The following ZFHX3 variants were observed in gnomAD, a reference collection of about 807,000 sequenced individuals.
The protein encoded by ZFHX3 is zinc finger homeobox protein 3.
A neutral mutation model predicts 279.1 loss-of-function variants in ZFHX3; 42 were observed. The observed-to-expected ratio is 0.15, with a 90% confidence interval of 0.12 to 0.19. The LOEUF (loss-of-function observed/expected upper bound fraction) is 0.19. Ranked by LOEUF, ZFHX3 falls within the 10% of genes least tolerant of loss-of-function variation. The probability of loss-of-function intolerance (pLI) is 1.00; values close to 1 mark genes in which losing one functional copy is unlikely to be tolerated. For synonymous variants in ZFHX3, 2,293 were observed against 1,957.8 expected, an observed-to-expected ratio of 1.17 and a Z score of -4.52; for missense variants, 4,981 against 4,754.0, an observed-to-expected ratio of 1.05 and a Z score of -1.40.
chr16:72,869,283 C>G (rs1455057127), intron 4 of ZFHX3, among the ~76,000 whole-genome samples: 1 of 152,228 alleles, frequency 6.6e-6, no homozygotes, highest in Non-Finnish European at 1.5e-5. Flanking sequence ...TGCACAGTTA[C>G]CAGCCCCTCT....
chr16:73,424,870 C>CA (rs1384830943), intron 3 of ZFHX3, among the ~76,000 whole-genome samples: 1 of 150,926 alleles, frequency 6.6e-6, no homozygotes, highest in African/African-American at 2.4e-5. Context: ...TTGTTTAAAG[C>CA]AAAAGAGTTC....
chr16:73,477,761 G>A (rs1567495712), intron 2 of ZFHX3, among the ~76,000 whole-genome samples: 1 of 152,174 alleles, frequency 6.6e-6, no homozygotes, highest in South Asian at 2.1e-4. Flanking sequence ...TGAGAATGGG[G>A]TGTCAGTTAC....
At chr16:73,811,373 C>T (rs570654644) in intron 1 of ZFHX3, among the ~76,000 whole-genome samples, 14 of 151,806 alleles carry the variant, frequency 9.2e-5, no homozygotes, top group Middle Eastern at 3.4e-3. Flanking sequence ...CAGGGCACAT[C>T]AGTGCCATAG....
intron 3 of ZFHX3, among the ~76,000 whole-genome samples, chr16:73,346,751 C>T (rs1487317427): frequency 2.6e-5 from 4 of 152,132 alleles, no homozygotes; most frequent in African/African-American, 7.2e-5. Flanking sequence ...GGATTACAGG[C>T]GTGAGCCACT....
chr16:73,531,857 G>C (rs915722431), intron 2 of ZFHX3, among the ~76,000 whole-genome samples: 1 of 152,072 alleles, frequency 6.6e-6, no homozygotes, highest in African/African-American at 2.4e-5. Flanking sequence ...TGGAGGCTGA[G>C]GCAGGAAGAT....
At chr16:73,054,442 A>ATT (rs34141418) in intron 1 of ZFHX3, among the ~76,000 whole-genome samples, 1,845 of 91,814 alleles carry the variant, frequency 0.02, 33 homozygotes, top group Non-Finnish European at 0.034. Flanking sequence ...AACCAGGAGG[A>ATT]TTTTTTTTTT....
intron 1 of ZFHX3, among the ~76,000 whole-genome samples, chr16:73,682,928 A>G (rs12927359): frequency 0.037 from 818 of 21,892 alleles, 67 homozygotes; most frequent in East Asian, 0.086. Context: ...GAGAAAGAGA[A>G]AGAAAGAAAG....
chr16:73,296,282 A>G (rs2143115604), intron 4 of ZFHX3, among the ~76,000 whole-genome samples: 1 of 152,334 alleles, frequency 6.6e-6, no homozygotes, highest in East Asian at 1.9e-4. Flanking sequence ...AAGACCTTGT[A>G]TGATAATGGG....
chr16:73,053,371 C>A (rs1374386170), intron 1 of ZFHX3, among the ~76,000 whole-genome samples: 1 of 152,064 alleles, frequency 6.6e-6, no homozygotes, highest in African/African-American at 2.4e-5. Flanking sequence ...GCTGCGGGGG[C>A]AAGGCCTTGA....
chr16:73,477,122 T>G (rs1201467523), intron 2 of ZFHX3, among the ~76,000 whole-genome samples: 1 of 152,226 alleles, frequency 6.6e-6, no homozygotes, highest in Non-Finnish European at 1.5e-5. Flanking sequence ...TGAAAAATCA[T>G]GCTTTGTAGA....
At chr16:72,930,833 A>G (rs868697383) in intron 3 of ZFHX3, among the ~76,000 whole-genome samples, 2 of 152,232 alleles carry the variant, frequency 1.3e-5, no homozygotes, top group African/African-American at 2.4e-5. Context: ...AGACTTGTAT[A>G]TGACAGTCAT....
rs550866308 is a variant in ZFHX3, at chr16:73,307,472, G to A, written c.-1194+10768C>T. ...AGAACTCTCTTGTTTCTCTGAAACG[G>A]GAAAAACTGCTTCTTTCTGCAAAAA... On this transcript the variant is annotated intron_variant, in intron 4 of 17. Coordinates refer to the ZFHX3 transcript ENST00000641206. 7.0e-4 allele frequency among the ~76,000 whole-genome samples: 106 copies of A among 152,294 alleles called. 1 individual carries two copies. Among genetic ancestry groups the A allele is most frequent in the African/African-American group, 2.3e-3 (94 of 41,556 alleles).
intron 2 of ZFHX3, among the ~76,000 whole-genome samples, chr16:73,562,391 C>G (rs554093799): frequency 6.6e-6 from 1 of 152,086 alleles, no homozygotes; most frequent in Admixed American, 6.5e-5. Flanking sequence ...GTCAGGAGAT[C>G]GAGACCATCC....
At chr16:73,295,614 G>T (rs1045520505) in intron 4 of ZFHX3, among the ~76,000 whole-genome samples, 12 of 152,198 alleles carry the variant, frequency 7.9e-5, no homozygotes, top group Admixed American at 4.6e-4. Flanking sequence ...CGTTTACGAT[G>T]TCAGCAAGTC....
intron 6 of ZFHX3, chr16:73,137,635 T>C (rs1016790916): frequency 6.6e-6 from 1 of 152,074 alleles, no homozygotes; most frequent in Admixed American, 6.6e-5. Context: ...CCGGGTATAT[T>C]AGGCAGCTTT....
chr16:73,619,390 A>G (rs1167505681), intron 2 of ZFHX3, among the ~76,000 whole-genome samples: 4 of 151,736 alleles, frequency 2.6e-5, no homozygotes, highest in Non-Finnish European at 1.5e-5. Flanking sequence ...CGGGAGGCTG[A>G]GGCAGGAGAA....
chr16:73,717,306 AAAC>A (rs1420038622), intron 1 of ZFHX3, among the ~76,000 whole-genome samples: 3 of 152,178 alleles, frequency 2.0e-5, no homozygotes, highest in African/African-American at 7.2e-5. Flanking sequence ...ATCTGCCCTG[AAAC>A]TCTTTTCTCC....
intron 3 of ZFHX3, among the ~76,000 whole-genome samples, chr16:73,403,818 A>G (rs139058067): frequency 4.7e-4 from 71 of 152,286 alleles, no homozygotes; most frequent in African/African-American, 1.7e-3. Flanking sequence ...GGGGCCCAGA[A>G]ACTGGAGTTC....
At position 72,787,463 on chromosome 16, in the gene ZFHX3, G is replaced by GGGC. The variant is rs1267407179; in HGVS notation, c.10810_10812dup (p.Ala3604dup). 7.5e-6 allele frequency: 12 copies of GGGC among 1,606,784 alleles called. No individual in the cohort carries two copies. The highest frequency in any genetic ancestry group is 7.7e-6 in the Non-Finnish European group (9 of 1,175,480). On this transcript the variant is annotated inframe_insertion, in exon 10 of 10. Coordinates refer to ENST00000268489, the MANE Select transcript of ZFHX3 (RefSeq NM_006885.4). ...GAGGCGTGGGGGGAAGCGGAGGAGGGGGCGGCGGCCGACGGGGGAGGGGGG... is the reference window on the plus strand; with the variant it reads ...GAGGCGTGGGGGGAAGCGGAGGAGGGGGCGGCGGCGGCCGACGGGGGAGGGGGG...
Sources: gnomAD v4.1 joint callset for allele counts (sites outside exome capture counted in the v4.1 genomes callset) on GRCh38, gnomAD v4.1.1 for gene constraint, MANE v1.5 for transcripts, NCBI Gene and HGNC (gene_info 2026-07-23, HGNC 2026-07-21) for gene names.